Variants in SRSF5 observed in about 807,000 individuals in gnomAD.
The protein encoded by SRSF5 is serine/arginine-rich splicing factor 5.
Under a neutral mutation model 34.0 loss-of-function variants are expected in SRSF5, and 5 were observed. The observed-to-expected ratio is 0.15, with a 90% CI of 0.08 to 0.31. The LOEUF (loss-of-function observed/expected upper bound fraction) is 0.31, where lower values mean the gene tolerates loss of function less well. SRSF5 is among the 10% of genes least tolerant of loss of function. The pLI, the probability that SRSF5 is intolerant of heterozygous loss-of-function variation, is 1.00. For missense variants in SRSF5, 223 were observed against 351.4 expected, an observed-to-expected ratio of 0.63 and a Z score of 2.92; for synonymous variants, 164 against 117.7, an observed-to-expected ratio of 1.39 and a Z score of -2.55.
In SRSF5 at chr14:69,771,581, AG is replaced by A. The variant is rs1566630212; in HGVS notation, c.*126del. On this transcript the variant is annotated 3_prime_UTR_variant, in exon 8 of 8. Transcript: ENST00000557154. The stretch of plus-strand genomic sequence containing the variant: ...CTTTTCTGTGGGGGTGGGATTTGGA[AG>A]GGGGGTTGGGTTGGGCTGGATATCT... 2.1e-6 allele frequency: 1 copy of A among 476,172 alleles called. No homozygotes were observed. The allele number at this position is 476,172 out of a possible 1,614,324, so 29.5% of individuals were successfully genotyped here.
At chr14:69,769,456 T>C in intron 5 of SRSF5, 1 of 1,533,284 alleles carries the variant, frequency 6.5e-7, no homozygotes, top group Non-Finnish European at 8.7e-7. Flanking sequence ...TGAGGATATT[T>C]TTCTTGTTTT....
chr14:69,770,673 T>C (rs1883089402), intron 6 of SRSF5, 133 bp downstream of exon 6: 15 of 809,776 alleles, frequency 1.9e-5, no homozygotes, highest in Middle Eastern at 7.0e-4. Context: ...GCTTCCCTCC[T>C]CCCCCCCACA....
chr14:69,768,833 G>A lies in SRSF5; in HGVS notation c.233G>A (p.Gly78Asp). The A allele has an allele frequency of 6.2e-7, 1 of 1,614,258 alleles. No individual in the cohort carries two copies. The highest frequency in any genetic ancestry group is 8.5e-7 in the Non-Finnish European group (1 of 1,180,042). ...TIEHARARSRGGRGRGRYSDR... is the reference protein window; with the variant it reads ...TIEHARARSRDGRGRGRYSDR... The stretch of plus-strand genomic sequence containing the variant: ...GAACATGCTAGGGCTCGGTCACGAG[G>A]TGGAAGAGGTAGAGGACGATACTCT... Residue 78 changes from glycine (G) to aspartate (D), a missense_variant, in exon 4 of 8, where the codon GGT (glycine) becomes GAT (aspartate). Transcript: ENST00000557154.
At chr14:69,767,880 T>C in intron 1 of SRSF5, 1 of 430,128 alleles carries the variant, frequency 2.3e-6, no homozygotes, top group Non-Finnish European at 4.3e-6. Context: ...GCCCGGAGAG[T>C]GTGCGGCTGC....
chr14:69,771,355 A>G lies in SRSF5; in HGVS notation c.713A>G (p.Lys238Arg), dbSNP rs745489527. 11 of 1,614,200 alleles carry G rather than the reference A, an allele frequency of 6.8e-6. No individual in the cohort carries two copies. The highest frequency in any genetic ancestry group is 3.3e-5 in the South Asian group (3 of 91,082). ...GTTAGTAGGTCTCCCGTGCCTGAGA[A>G]GAGCCAGAAACGTGGTTCTTCAAGT... ...RSVSRSPVPE[K>R]SQKRGSSSRS... Residue 238 changes from lysine to arginine, a missense_variant, in exon 8 of 8, where the codon AAG (lysine) becomes AGG (arginine). Lys to Arg is a conservative substitution (Grantham distance 26). Coordinates refer to ENST00000557154, the MANE Select transcript of SRSF5 (RefSeq NM_001320214.2).
chr14:69,768,109 A>G lies in SRSF5; in HGVS notation c.-19-29A>G, dbSNP rs115376236. 3,088 of 1,612,594 alleles carry G rather than the reference A, an allele frequency of 1.9e-3. 34 individuals carry two copies. In the African/African-American group the frequency reaches 0.03, roughly 15 times the overall value. On this transcript the variant is annotated intron_variant, in intron 1 of 7. Coordinates refer to ENST00000557154, the MANE Select transcript of SRSF5 (RefSeq NM_001320214.2). ...GCGTTTCTCTGTGACAGTCATTGCTATTATCTCGATTGAATTACTTTCTAA... is the reference window on the plus strand; with the variant it reads ...GCGTTTCTCTGTGACAGTCATTGCTGTTATCTCGATTGAATTACTTTCTAA...
chr14:69,767,792 G>C, intron 1 of SRSF5: 1 of 353,798 alleles, frequency 2.8e-6, no homozygotes, highest in Non-Finnish European at 5.5e-6. Context: ...CATTGGGCTG[G>C]CTTTGCGGAG....
intron 5 of SRSF5, 29 bp from the exon 6 acceptor site, chr14:69,770,438 T>A (rs774564625): frequency 5.6e-6 from 9 of 1,607,774 alleles, no homozygotes; most frequent in Non-Finnish European, 6.8e-6. Flanking sequence ...TTTCCTCTTC[T>A]TTGCTTAACA....
At chr14:69,767,683 T>A in intron 1 of SRSF5, 1 of 365,906 alleles carries the variant, frequency 2.7e-6, no homozygotes, top group Non-Finnish European at 5.5e-6. Flanking sequence ...GCCGCCATTT[T>A]GTGGCCGCAG....
Position 69,771,563 on chromosome 14 carries a change from GTGGGGGTGGGATTTGGAA to G in SRSF5, c.*103_*120del. On this transcript the variant is annotated 3_prime_UTR_variant, in exon 8 of 8. Transcript: ENST00000557154. ...AATTCTGGTAAGTATGTGCTTTTCT[GTGGGGGTGGGATTTGGAA>G]GGGGGGTTGGGTTGGGCTGGATATC... The G allele has an allele frequency of 1.5e-6, 2 of 1,348,136 alleles. No individual in the cohort carries two copies. Among genetic ancestry groups the G allele is most frequent in the East Asian group, 2.6e-5 (1 of 39,002 alleles). The allele number at this position is 1,348,136 out of a possible 1,614,324, so 83.5% of individuals were successfully genotyped here. A position where few individuals can be genotyped will look rare whatever the true frequency, so the allele number is the denominator to read the frequency against.
intron 5 of SRSF5, 44 bp from the exon 6 acceptor site, chr14:69,770,423 T>C (rs770762954): frequency 1.4e-5 from 23 of 1,600,904 alleles, no homozygotes; most frequent in Non-Finnish European, 1.7e-5. Context: ...TGTTTGTGTG[T>C]CCCCTTTCCT....
At chr14:69,767,731 G>A (rs575141165) in intron 1 of SRSF5, 4 of 356,440 alleles carry the variant, frequency 1.1e-5, no homozygotes, top group Non-Finnish European at 2.2e-5. Context: ...GCGCGGTCGA[G>A]GCGTCGCGAG....
Sources: allele counts gnomAD v4.1 joint callset, GRCh38; gene constraint gnomAD v4.1.1; transcripts MANE v1.5; gene names NCBI Gene and HGNC (gene_info 2026-07-23, HGNC 2026-07-21).